TAF1: variants seen among roughly 807,000 people sequenced by gnomAD.
TAF1 encodes the protein TATA-box binding protein associated factor 1, also known as transcription initiation factor TFIID subunit 1.
Under a neutral mutation model 138.5 loss-of-function variants are expected in TAF1, and 2 were observed. The observed-to-expected ratio is 0.01, with a 90% CI of 0.01 to 0.05. The LOEUF is 0.05. TAF1 is among the 10% of genes least tolerant of loss of function. TAF1 has a pLI of 1.00. For missense variants in TAF1, 709 were observed against 1,478.0 expected (o/e 0.48, Z 8.53); for synonymous variants, 437 against 503.2 (o/e 0.87, Z 1.76).
intron 13 of TAF1, chrX:71,491,586 G>A (rs1485083294): frequency 9.1e-6 from 1 of 110,084 alleles, no homozygotes; most frequent in African/African-American, 3.3e-5. Flanking sequence ...TGTTACACAT[G>A]TCTGCCAACG....
intron 32 of TAF1, among the ~76,000 whole-genome samples, chrX:71,431,864 C>T (rs188418957): frequency 6.9e-4 from 72 of 104,253 alleles, no homozygotes; most frequent in African/African-American, 2.3e-3. Flanking sequence ...TGCAGTGAGC[C>T]GAGATTGCAC....
At chrX:71,370,639 C>T (rs1375696143) in intron 3 of TAF1, among the ~76,000 whole-genome samples, 1 of 111,547 alleles carries the variant, frequency 9.0e-6, no homozygotes, top group East Asian at 2.8e-4. Flanking sequence ...TGTGAGCCAC[C>T]CCGCCTGGCC....
intron 3 of TAF1, 29 bp from the exon 4 acceptor site, chrX:71,375,138 T>G: frequency 1.7e-6 from 2 of 1,202,471 alleles, no homozygotes; most frequent in Non-Finnish European, 2.2e-6. Flanking sequence ...TTTTGGATAT[T>G]GAGGAGATCA....
intron 32 of TAF1, among the ~76,000 whole-genome samples, chrX:71,438,792 G>A (rs931926324): frequency 1.8e-5 from 2 of 111,376 alleles, no homozygotes; most frequent in Non-Finnish European, 3.8e-5. Flanking sequence ...GTGAAACCCC[G>A]TCTTCACTAA....
Position 71,383,149 on chromosome X carries a change from C to A in TAF1, c.1932C>A (p.Ile644=), listed in dbSNP as rs1299408876. Residue 644 remains isoleucine, a synonymous_variant, in exon 12 of 38, where the codon ATC becomes ATA. Transcript: ENST00000423759. The part of the protein sequence containing the change: ...PHSVQPLLKH[I]KKKAKMREQE... ...CAGTCCAACCTTTGCTAAAGCACATCAAAAAAAAGGCCAAGGTATAATTGA... is the reference window on the plus strand; with the variant it reads ...CAGTCCAACCTTTGCTAAAGCACATAAAAAAAAAGGCCAAGGTATAATTGA... The A allele has an allele frequency of 1.7e-5, 20 of 1,196,819 alleles. No individual in the cohort carries two copies. The highest frequency in any genetic ancestry group is 1.2e-4 in the Admixed American group (5 of 42,584).
At chrX:71,415,156 T>TTG (rs1412627879) in intron 28 of TAF1, among the ~76,000 whole-genome samples, 2 of 66,185 alleles carry the variant, frequency 3.0e-5, no homozygotes. Flanking sequence ...TTTTTTTTTT[T>TTG]TGGCAGAGTC....
chrX:71,453,401 A>G (rs1251067110), intron 32 of TAF1, among the ~76,000 whole-genome samples: 2 of 49,846 alleles, frequency 4.0e-5, no homozygotes, highest in East Asian at 7.2e-4. Flanking sequence ...CCCACCCCCA[A>G]TCTCTACAAA....
chrX:71,384,222 A>G, intron 13 of TAF1, 87 bp downstream of exon 13: 1 of 1,057,557 alleles, frequency 9.5e-7, no homozygotes, highest in Non-Finnish European at 1.3e-6. Flanking sequence ...TTTGTTATTA[A>G]CATAGCTGTA....
intron 32 of TAF1, among the ~76,000 whole-genome samples, chrX:71,451,475 ATTTTTTTTTCCTTTTT>A (rs900830732): frequency 3.2e-4 from 32 of 99,283 alleles, no homozygotes; most frequent in Middle Eastern, 5.5e-3. Context: ...TTTATTTTTT[ATTTTTTTTTCCTTTTT>A]TTTTTTTTAT....
At chrX:71,445,067 G>A (rs1050688629) in intron 32 of TAF1, among the ~76,000 whole-genome samples, 2 of 110,300 alleles carry the variant, frequency 1.8e-5, no homozygotes, top group East Asian at 2.9e-4. Context: ...AGAACGAGAC[G>A]GGTGGGTTGC....
chrX:71,469,004 A>G (rs1204484597), downstream of TAF1, among the ~76,000 whole-genome samples: 3 of 111,079 alleles, frequency 2.7e-5, no homozygotes, highest in Middle Eastern at 4.7e-3. Flanking sequence ...AAACAAAACA[A>G]AGCAAAACAA....
chrX:71,475,611 A>AAAG, intron 13 of TAF1, among the ~76,000 whole-genome samples: 1 of 109,945 alleles, frequency 9.1e-6, no homozygotes, highest in African/African-American at 3.3e-5. Context: ...GAAAAAGAAA[A>AAAG]AGGATAAATC....
chrX:71,381,620 C>A, intron 8 of TAF1, 123 bp from the exon 9 acceptor site: 1 of 747,250 alleles, frequency 1.3e-6, no homozygotes, highest in Non-Finnish European at 2.0e-6. Context: ...TCAGTGGACA[C>A]ATGAATAACT....
chrX:71,497,241 G>A (rs763302628), intron 13 of TAF1, among the ~76,000 whole-genome samples: 17 of 111,747 alleles, frequency 1.5e-4, no homozygotes, highest in African/African-American at 5.5e-4. Flanking sequence ...AGATCCTCTC[G>A]GGTGGCATAA....
chrX:71,379,103 TG>T, intron 8 of TAF1, 72 bp downstream of exon 8: 28 of 822,126 alleles, frequency 3.4e-5, no homozygotes, highest in Non-Finnish European at 4.6e-5. Context: ...GGCTCAGCTG[TG>T]ATTTTTTTTT....
At chrX:71,447,429 G>A (rs1266492603) in intron 32 of TAF1, among the ~76,000 whole-genome samples, 2 of 110,950 alleles carry the variant, frequency 1.8e-5, no homozygotes, top group Non-Finnish European at 3.8e-5. Context: ...TAGGTTGGGC[G>A]TGGTGGCTCA....
At chrX:71,503,361 TAC>T (rs199646550) in intron 13 of TAF1, among the ~76,000 whole-genome samples, 2,710 of 98,943 alleles carry the variant, frequency 0.027, 66 homozygotes, top group African/African-American at 0.067. Flanking sequence ...TATATATATA[TAC>T]ACACACATTT....
At chrX:71,367,213 G>T (rs1298572689) in intron 1 of TAF1, among the ~76,000 whole-genome samples, 1 of 112,315 alleles carries the variant, frequency 8.9e-6, no homozygotes, top group Non-Finnish European at 1.9e-5. Context: ...GAGAACGACC[G>T]TTCCATTCAT....
chrX:71,505,399 A>G (rs746119060), intron 13 of TAF1, among the ~76,000 whole-genome samples: 1 of 111,469 alleles, frequency 9.0e-6, no homozygotes, highest in Admixed American at 9.6e-5. Flanking sequence ...CCTCACAAAC[A>G]CTACCTCAGC....
Sources: allele counts gnomAD v4.1 joint callset (sites outside exome capture counted in the v4.1 genomes callset), GRCh38; gene constraint gnomAD v4.1.1; transcripts MANE v1.5; gene names NCBI Gene and HGNC (gene_info 2026-07-23, HGNC 2026-07-21).